Variants in ATP10A observed in about 807,000 individuals in gnomAD.
ATP10A encodes the protein ATPase phospholipid transporting 10A (putative).
ATP10A carries 111 observed loss-of-function variants against 147.8 expected under a neutral mutation model. That is an observed-to-expected ratio of 0.75 (90% confidence interval 0.64 to 0.88). The LOEUF is 0.88. Ranked by LOEUF, ATP10A falls within the 40% of genes least tolerant of loss-of-function variation. The pLI is 0.00. For missense variants in ATP10A, 1,927 were observed against 1,959.0 expected (o/e 0.98, Z 0.31); for synonymous variants, 875 against 841.6 (o/e 1.04, Z -0.69).
chr15:25,679,937 T>C lies in ATP10A; in HGVS notation c.3904A>G (p.Thr1302Ala). Residue 1302 changes from threonine to alanine, a missense_variant, in exon 21 of 21, where the codon ACA (threonine) becomes GCA (alanine). Thr to Ala is a moderately conservative substitution (Grantham distance 58). Coordinates refer to ENST00000555815, the MANE Select transcript of ATP10A (RefSeq NM_024490.4). ...AACTGACGTGCCAGCTGAAGTTGTG[T>C]GGGGAAAACCCTCCCCTGGAGGGAT... is the stretch of plus-strand genomic sequence containing the variant. ...FRSLQGRVFP[T>A]QLQLARQLTR... is the part of the protein sequence containing the mutation. 1.9e-6 allele frequency: 3 copies of C among 1,605,994 alleles called. No homozygotes were observed. The highest frequency in any genetic ancestry group is 2.7e-5 in the African/African-American group (2 of 74,914).
chr15:25,760,181 C>A (rs1888682727), intron 2 of ATP10A, among the ~76,000 whole-genome samples: 1 of 152,058 alleles, frequency 6.6e-6, no homozygotes, highest in African/African-American at 2.4e-5. Flanking sequence ...TCCAGAAAGC[C>A]CTGGAACTTC....
chr15:25,763,601 G>T (rs1339235590), intron 2 of ATP10A, among the ~76,000 whole-genome samples: 1 of 152,182 alleles, frequency 6.6e-6, no homozygotes, highest in Non-Finnish European at 1.5e-5. Flanking sequence ...TGGAAAAGCT[G>T]GAGGAACACA....
rs920690716 is a variant in ATP10A, at chr15:25,679,208, G to A, written c.*133C>T. On this transcript the variant is annotated 3_prime_UTR_variant, in exon 21 of 21. Transcript: ENST00000555815. Reference sequence around the variant, plus strand: ...TTTAAAAAATAAACTTTCTTTTTTGGTACCTCTTGTTTCCTGTATTAGCCT... The same window carrying A: ...TTTAAAAAATAAACTTTCTTTTTTGATACCTCTTGTTTCCTGTATTAGCCT... The A allele has an allele frequency of 3.5e-5, 24 of 690,072 alleles. No homozygotes were observed. The highest frequency in any genetic ancestry group is 4.8e-5 in the Non-Finnish European group (24 of 503,980). 42.7% of individuals were successfully genotyped at this position (690,072 alleles called of 1,614,324 possible). A position where few individuals can be genotyped will look rare whatever the true frequency, so the allele number is the denominator to read the frequency against.
At chr15:25,859,210 C>A (rs1356333038) in intron 1 of ATP10A, among the ~76,000 whole-genome samples, 2 of 152,214 alleles carry the variant, frequency 1.3e-5, no homozygotes, top group Non-Finnish European at 2.9e-5. Context: ...CCCAGCAGGA[C>A]CCCTGAGGTT....
At chr15:25,747,751 TC>T (rs1175596688) in intron 2 of ATP10A, among the ~76,000 whole-genome samples, 1 of 152,208 alleles carries the variant, frequency 6.6e-6, no homozygotes, top group Non-Finnish European at 1.5e-5. Flanking sequence ...TTTGAATCTT[TC>T]TGCAAAAAAC....
chr15:25,748,063 T>C (rs1359121434), intron 2 of ATP10A, among the ~76,000 whole-genome samples: 3 of 152,004 alleles, frequency 2.0e-5, no homozygotes, highest in African/African-American at 7.2e-5. Flanking sequence ...CCCGGGTTCA[T>C]GCCATTCTCC....
chr15:25,698,351 C>T (rs947221866), intron 13 of ATP10A, among the ~76,000 whole-genome samples: 1 of 152,118 alleles, frequency 6.6e-6, no homozygotes, highest in African/African-American at 2.4e-5. Flanking sequence ...TAGACACGAC[C>T]AAGGAAAGAG....
intron 15 of ATP10A, chr15:25,688,145 C>T (rs1596684969): frequency 2.5e-6 from 1 of 398,448 alleles, no homozygotes; most frequent in East Asian, 5.5e-5. Flanking sequence ...TGAAAACACA[C>T]AGAGATACAT....
chr15:25,771,906 C>T (rs1182071975), intron 2 of ATP10A, among the ~76,000 whole-genome samples: 1 of 152,012 alleles, frequency 6.6e-6, no homozygotes, highest in Non-Finnish European at 1.5e-5. Flanking sequence ...GCGCCCACCA[C>T]CACGCCTGGA....
chr15:25,807,764 C>T (rs1223728336), intron 1 of ATP10A, among the ~76,000 whole-genome samples: 2 of 151,658 alleles, frequency 1.3e-5, no homozygotes, highest in Non-Finnish European at 2.9e-5. Context: ...ATGGCACCAC[C>T]GCACTCCAGC....
At chr15:25,700,226 A>G (rs1192814832) in intron 13 of ATP10A, among the ~76,000 whole-genome samples, 1 of 152,244 alleles carries the variant, frequency 6.6e-6, no homozygotes, top group Non-Finnish European at 1.5e-5. Flanking sequence ...AAAAAAATCA[A>G]TGACAATGCG....
intron 2 of ATP10A, among the ~76,000 whole-genome samples, chr15:25,756,649 A>C (rs1888428902): frequency 6.6e-6 from 1 of 151,886 alleles, no homozygotes; most frequent in Non-Finnish European, 1.5e-5. Flanking sequence ...TCTCAAATAA[A>C]AAAAAAGAAA....
the ATP10A span, among the ~76,000 whole-genome samples, chr15:25,672,247 C>T: frequency 2.0e-4 from 31 of 152,158 alleles, no homozygotes; most frequent in South Asian, 6.2e-4. Context: ...CCGGCCCGTC[C>T]TTTCGTGACT....
chr15:25,708,356 T>C, intron 10 of ATP10A, 56 bp from the exon 11 acceptor site: 1 of 1,479,450 alleles, frequency 6.8e-7, no homozygotes, highest in Non-Finnish European at 9.4e-7. Context: ...TGGAATGGTC[T>C]TCAGACACTC....
chr15:25,733,665 G>A (rs61998562), intron 3 of ATP10A, among the ~76,000 whole-genome samples: 46,091 of 152,204 alleles, frequency 0.3, 7,866 homozygotes, highest in Non-Finnish European at 0.39. Context: ...GCGAATTATC[G>A]TTAAAGAGCG....
chr15:25,834,901 G>A (rs540218220), intron 1 of ATP10A, among the ~76,000 whole-genome samples: 6 of 152,292 alleles, frequency 3.9e-5, no homozygotes, highest in African/African-American at 9.6e-5. Context: ...TGTGAAATGC[G>A]CAGACTAGGT....
At position 25,687,716 on chromosome 15, in the gene ATP10A, A is replaced by G. The variant is rs2140299183; in HGVS notation, c.3278T>C (p.Phe1093Ser). 1 of 1,595,624 alleles carries G rather than the reference A, an allele frequency of 6.3e-7. No homozygotes were observed. ...SRLANMVLYFFYKNTMFVGLL... is the reference protein window; with the variant it reads ...SRLANMVLYFSYKNTMFVGLL... ...TCCAATACCTACTGTGTTTTTGTAG[A>G]AGAAGTACAGCACCATGTTGGCAAG... is the stretch of plus-strand genomic sequence containing the variant. The change falls in exon 16 of 21, where the codon TTC becomes TCC. Residue 1093 changes from phenylalanine to serine, a missense_variant. Transcript: ENST00000555815.
intron 1 of ATP10A, among the ~76,000 whole-genome samples, chr15:25,853,938 T>C (rs1164288275): frequency 2.1e-5 from 3 of 144,392 alleles, no homozygotes; most frequent in Non-Finnish European, 4.5e-5. Context: ...TTAGACCCTG[T>C]CTCAGAAAAA....
chr15:25,853,834 TAAAAC>T (rs549271066), intron 1 of ATP10A, among the ~76,000 whole-genome samples: 1 of 150,620 alleles, frequency 6.6e-6, no homozygotes, highest in Admixed American at 6.6e-5. Flanking sequence ...AAGAATCAGC[TAAAAC>T]AAAACAAAAC....
Sources: gnomAD v4.1 joint callset for allele counts (sites outside exome capture counted in the v4.1 genomes callset) on GRCh38, gnomAD v4.1.1 for gene constraint, MANE v1.5 for transcripts, NCBI Gene and HGNC (gene_info 2026-07-23, HGNC 2026-07-21) for gene names.